ARHGEF10: variants seen among roughly 807,000 people sequenced by gnomAD.
ARHGEF10 encodes Rho guanine nucleotide exchange factor 10, also known as Rho guanine nucleotide exchange factor (GEF) 10.
Under a neutral mutation model 147.4 loss-of-function variants are expected in ARHGEF10, and 140 were observed. The observed-to-expected ratio is 0.95, with a 90% CI of 0.83 to 1.09. The LOEUF is 1.09. ARHGEF10 is among the 50% of genes least tolerant of loss of function. ARHGEF10 has a pLI of 0.00. For missense variants in ARHGEF10, 2,222 were observed against 1,752.7 expected (o/e 1.27, Z -4.78); for synonymous variants, 902 against 695.8 (o/e 1.30, Z -4.67).
At chr8:1,824,816 GCACCCCACCTGTCTTCCCCA>G (rs1349274902) in intron 1 of ARHGEF10, among the ~76,000 whole-genome samples, 1 of 10,458 alleles carries the variant, frequency 9.6e-5, no homozygotes, top group Non-Finnish European at 1.6e-4. Context: ...TGTTCCCCCT[GCACCCCACCTGTCTTCCCCA>G]CACCCCACCT....
chr8:1,923,701 C>G, intron 20 of ARHGEF10, 73 bp from the exon 21 acceptor site: 13 of 1,612,162 alleles, frequency 8.1e-6, no homozygotes, highest in African/African-American at 1.3e-5. Context: ...ATCAGACAGG[C>G]AAAATGTGTA....
At chr8:1,826,362 G>C (rs983985406) in intron 1 of ARHGEF10, among the ~76,000 whole-genome samples, 2 of 151,878 alleles carry the variant, frequency 1.3e-5, no homozygotes, top group Non-Finnish European at 2.9e-5. Flanking sequence ...ATGTGTTTGT[G>C]TTTGTATGCA....
intron 10 of ARHGEF10, among the ~76,000 whole-genome samples, chr8:1,884,454 A>G (rs1181623931): frequency 6.6e-6 from 1 of 152,042 alleles, no homozygotes; most frequent in African/African-American, 2.4e-5. Context: ...CCTAAGCCAT[A>G]AAATGAGAGG....
At chr8:1,891,693 T>C (rs918864985) in intron 11 of ARHGEF10, among the ~76,000 whole-genome samples, 15 of 152,132 alleles carry the variant, frequency 9.9e-5, no homozygotes, top group African/African-American at 3.6e-4. Context: ...ATTTCTCCTC[T>C]ATGACTTTAG....
intron 26 of ARHGEF10, among the ~76,000 whole-genome samples, chr8:1,943,018 T>C (rs563600328): frequency 7.2e-5 from 11 of 152,262 alleles, no homozygotes; most frequent in Admixed American, 3.3e-4. Flanking sequence ...AAGCACAGAA[T>C]TGCGCCCTAT....
intron 11 of ARHGEF10, among the ~76,000 whole-genome samples, chr8:1,890,417 GAC>G (rs1312040696): frequency 1.3e-4 from 19 of 149,058 alleles, no homozygotes; most frequent in Admixed American, 2.7e-4. Context: ...GTTGTGAGAA[GAC>G]ACTGAATGGG....
At chr8:1,921,085 C>A (rs17064385) in intron 18 of ARHGEF10, among the ~76,000 whole-genome samples, 25 of 152,148 alleles carry the variant, frequency 1.6e-4, no homozygotes, top group African/African-American at 5.3e-4. Context: ...TATGCCTGGC[C>A]GCTCCCTTTG....
Position 1,952,747 on chromosome 8 carries a change from G to C in ARHGEF10, c.3440G>C (p.Gly1147Ala). Residue 1147 changes from glycine (G) to alanine (A), a missense_variant, in exon 28 of 29, where the codon GGA (glycine) becomes GCA (alanine). Transcript: ENST00000349830. Reference protein sequence around the residue: ...LSVTSLLVCHGLLMVGTSLGV... With the variant: ...LSVTSLLVCHALLMVGTSLGV... ...GTGACGAGCCTGCTCGTCTGCCACG[G>C]ATTGCTGATGGTCGGCACCAGCCTG... 6.2e-7 allele frequency: 1 copy of C among 1,613,446 alleles called. No individual in the cohort carries two copies. The highest frequency in any genetic ancestry group is 8.5e-7 in the Non-Finnish European group (1 of 1,180,030).
intron 7 of ARHGEF10, among the ~76,000 whole-genome samples, chr8:1,875,296 G>C (rs913314876): frequency 2.6e-5 from 4 of 151,952 alleles, no homozygotes; most frequent in African/African-American, 9.7e-5. Context: ...AGGAACAGTG[G>C]AGACACACAC....
At position 1,923,098 on chromosome 8, in the gene ARHGEF10, G is replaced by C; in HGVS notation, c.2259+19G>C. The C allele has an allele frequency of 6.5e-7, 1 of 1,530,570 alleles. No individual in the cohort carries two copies. The highest frequency in any genetic ancestry group is 1.1e-5 in the South Asian group (1 of 89,220). 94.8% of individuals were successfully genotyped at this position (1,530,570 alleles called of 1,614,324 possible). On this transcript the variant is annotated intron_variant, in intron 19 of 28. Coordinates refer to ENST00000349830, the MANE Select transcript of ARHGEF10 (RefSeq NM_014629.4). ...CTATCAGGTAACAATTGAAGCAATT[G>C]GATTTAAGATTCTGCCTTTACTTAT...
chr8:1,899,444 G>T (rs776989148), intron 15 of ARHGEF10, among the ~76,000 whole-genome samples: 5 of 152,198 alleles, frequency 3.3e-5, no homozygotes, highest in African/African-American at 1.2e-4. Context: ...TGGAGTCATC[G>T]CCAGAAATGA....
intron 1 of ARHGEF10, among the ~76,000 whole-genome samples, chr8:1,833,224 G>T (rs1803354210): frequency 8.1e-6 from 1 of 123,468 alleles, no homozygotes; most frequent in East Asian, 2.5e-4. Flanking sequence ...AGAAGCAGAG[G>T]GATGCAGAGG....
chr8:1,900,780 C>T (rs1322023424), intron 15 of ARHGEF10, among the ~76,000 whole-genome samples: 2 of 152,198 alleles, frequency 1.3e-5, no homozygotes, highest in African/African-American at 4.8e-5. Context: ...ATTCAGTGTG[C>T]TCTTCCAGAT....
At chr8:1,863,735 G>A (rs1806345653) in intron 4 of ARHGEF10, among the ~76,000 whole-genome samples, 2 of 152,130 alleles carry the variant, frequency 1.3e-5, no homozygotes, top group Non-Finnish European at 2.9e-5. Context: ...CCCCACCTGT[G>A]TGGAATGTTT....
intron 26 of ARHGEF10, among the ~76,000 whole-genome samples, chr8:1,942,421 A>G (rs1333372065): frequency 6.6e-6 from 1 of 151,896 alleles, no homozygotes; most frequent in Non-Finnish European, 1.5e-5. Context: ...TGTGTCACAC[A>G]CTAGGATGGC....
intron 1 of ARHGEF10, among the ~76,000 whole-genome samples, chr8:1,834,860 G>T (rs1251816236): frequency 1.3e-5 from 2 of 152,240 alleles, no homozygotes. Context: ...GGTGCATCAG[G>T]GGTGGGATGT....
chr8:1,882,331 T>G (rs1341233777), intron 9 of ARHGEF10, among the ~76,000 whole-genome samples: 3 of 152,172 alleles, frequency 2.0e-5, no homozygotes, highest in African/African-American at 7.2e-5. Flanking sequence ...TTGTTTGACA[T>G]TTGTGCATGT....
In ARHGEF10 at chr8:1,836,372, A is replaced by G. The variant is rs1803581159; in HGVS notation, c.-47-6981A>G. Among the ~76,000 whole-genome samples the G allele has an allele frequency of 2.0e-5, 3 of 152,140 alleles. No homozygotes were observed. In the South Asian group the frequency reaches 6.2e-4, roughly 32 times the overall value. ...GTCTTCTGCTCTGCCCCCAGGGTCC[A>G]TCTCACCTGCACCAGGGCAGGGAGA... On this transcript the variant is annotated intron_variant, in intron 1 of 28. Transcript: ENST00000349830.
At position 1,948,594 on chromosome 8, in the gene ARHGEF10, C is replaced by A. The variant is rs935571138; in HGVS notation, c.3397+2939C>A. Among the ~76,000 whole-genome samples the A allele has an allele frequency of 6.6e-6, 1 of 152,132 alleles. No homozygotes were observed. Among genetic ancestry groups the A allele is most frequent in the African/African-American group, 2.4e-5 (1 of 41,414 alleles). On this transcript the variant is annotated intron_variant, in intron 27 of 28. Transcript: ENST00000349830. The surrounding 1 kb of genome is among the most constrained non-coding windows in gnomAD (Gnocchi z 4.9). ...CAGAAGTTCAGTTTTGTTTGTGATG[C>A]TTCTGACAGTGATTCTCTGTAAGAT...
Sources: allele counts gnomAD v4.1 joint callset (sites outside exome capture counted in the v4.1 genomes callset), GRCh38; gene constraint gnomAD v4.1.1; non-coding constraint Gnocchi (gnomAD v3.1); transcripts MANE v1.5; gene names NCBI Gene and HGNC (gene_info 2026-07-23, HGNC 2026-07-21).